The following LHFPL6 variants were observed in gnomAD, a reference collection of about 807,000 sequenced individuals.
The protein encoded by LHFPL6 is LHFPL tetraspan subfamily member 6 protein.
Under a neutral mutation model 20.6 loss-of-function variants are expected in LHFPL6, and 9 were observed. That is an observed-to-expected ratio of 0.44 (90% CI 0.26 to 0.76). The LOEUF is 0.76. LHFPL6 is among the 30% of genes least tolerant of loss of function. The pLI is 0.20. For synonymous variants in LHFPL6, 105 were observed against 98.7 expected (o/e 1.06, Z -0.38); for missense variants, 218 against 253.5 (o/e 0.86, Z 0.95).
At chr13:39,526,563 T>G (rs1310227859) in intron 2 of LHFPL6, among the ~76,000 whole-genome samples, 2 of 152,240 alleles carry the variant, frequency 1.3e-5, no homozygotes, top group Non-Finnish European at 2.9e-5. Context: ...TCTAGGTTCT[T>G]TCCACCGGTC....
At chr13:39,512,610 A>AAAAAAAAAAG (rs1285304888) in intron 2 of LHFPL6, among the ~76,000 whole-genome samples, 1 of 150,514 alleles carries the variant, frequency 6.6e-6, no homozygotes, top group East Asian at 2.0e-4. Context: ...TCAAAAAAAA[A>AAAAAAAAAAG]AAAAAGAAAA....
chr13:39,489,522 T>C (rs137870328), intron 2 of LHFPL6, among the ~76,000 whole-genome samples: 393 of 151,148 alleles, frequency 2.6e-3, no homozygotes, highest in African/African-American at 8.7e-3. Context: ...GTTAAAGGTA[T>C]ATCAAAGGAA....
At chr13:39,450,542 T>G (rs964336836) in intron 2 of LHFPL6, among the ~76,000 whole-genome samples, 29 of 152,274 alleles carry the variant, frequency 1.9e-4, no homozygotes, top group African/African-American at 5.1e-4. Flanking sequence ...TATGGCTATA[T>G]AAAGAGATAT....
chr13:39,590,775 T>C (rs1053911844), intron 2 of LHFPL6, among the ~76,000 whole-genome samples: 8 of 152,238 alleles, frequency 5.3e-5, no homozygotes, highest in African/African-American at 9.7e-5. Context: ...GTTCTTTCTA[T>C]GGAAATGTTT....
rs115583880 is a variant in LHFPL6 at position 39,447,274 on chromosome 13, C to T, written c.386-68748G>A. On this transcript the variant is annotated intron_variant, in intron 2 of 3. Coordinates refer to ENST00000379589, the MANE Select transcript of LHFPL6 (RefSeq NM_005780.3). Reference sequence around the variant, plus strand: ...GTACAGTGCAGACTCTCTTGAGTGTCCCCAAATAGATGAAATTATAAGGGA... The same window carrying T: ...GTACAGTGCAGACTCTCTTGAGTGTTCCCAAATAGATGAAATTATAAGGGA... 9.8e-3 allele frequency among the ~76,000 whole-genome samples: 1,485 copies of T among 152,214 alleles called. 24 individuals carry two copies. Among genetic ancestry groups the T allele is most frequent in the African/African-American group, 0.034 (1,405 of 41,538 alleles).
At chr13:39,388,105 A>G (rs919557399) in intron 2 of LHFPL6, among the ~76,000 whole-genome samples, 1 of 152,236 alleles carries the variant, frequency 6.6e-6, no homozygotes, top group African/African-American at 2.4e-5. Context: ...CTAAAATATA[A>G]AACAGAAATA....
At chr13:39,563,489 G>A (rs566198285) in intron 2 of LHFPL6, among the ~76,000 whole-genome samples, 1 of 152,260 alleles carries the variant, frequency 6.6e-6, no homozygotes, top group South Asian at 2.1e-4. Context: ...AGATCAAATA[G>A]GTGTTAGATA....
intron 2 of LHFPL6, among the ~76,000 whole-genome samples, chr13:39,510,971 C>T (rs1869680390): frequency 6.6e-6 from 1 of 151,862 alleles, no homozygotes; most frequent in East Asian, 1.9e-4. Flanking sequence ...CTCCCAGGTT[C>T]AAGCGATTCT....
intron 2 of LHFPL6, among the ~76,000 whole-genome samples, chr13:39,437,630 G>A (rs1223860584): frequency 5.3e-5 from 8 of 152,156 alleles, no homozygotes; most frequent in South Asian, 2.1e-4. Context: ...TAGGCCAGGC[G>A]CGGTGGCTCA....
At chr13:39,408,464 G>T (rs978680789) in intron 2 of LHFPL6, among the ~76,000 whole-genome samples, 1 of 152,154 alleles carries the variant, frequency 6.6e-6, no homozygotes. Flanking sequence ...GATCTTCCAG[G>T]ATTACTGCTT....
intron 2 of LHFPL6, among the ~76,000 whole-genome samples, chr13:39,546,925 C>T (rs1249587963): frequency 1.3e-5 from 2 of 152,056 alleles, no homozygotes; most frequent in African/African-American, 4.8e-5. Context: ...AGCAAATTCC[C>T]ATTGCTTTGA....
intron 2 of LHFPL6, among the ~76,000 whole-genome samples, chr13:39,576,719 G>A (rs986962170): frequency 3.3e-5 from 5 of 151,982 alleles, no homozygotes; most frequent in East Asian, 1.9e-4. Flanking sequence ...CTGCAGCCTC[G>A]ACTTCCTAGG....
At chr13:39,418,407 A>T (rs1332290715) in intron 2 of LHFPL6, among the ~76,000 whole-genome samples, 2 of 105,446 alleles carry the variant, frequency 1.9e-5, no homozygotes, top group Admixed American at 2.0e-4. Flanking sequence ...TTTTTCCAGA[A>T]TGCCATATAA....
At chr13:39,493,693 C>G (rs1291041200) in intron 2 of LHFPL6, among the ~76,000 whole-genome samples, 2 of 152,148 alleles carry the variant, frequency 1.3e-5, no homozygotes, top group African/African-American at 4.8e-5. Context: ...CCCCAGCCTT[C>G]CCACATATGA....
intron 2 of LHFPL6, among the ~76,000 whole-genome samples, chr13:39,527,226 A>G (rs1310779849): frequency 6.6e-6 from 1 of 152,202 alleles, no homozygotes; most frequent in Non-Finnish European, 1.5e-5. Flanking sequence ...AGATGCTTGC[A>G]TTCTCCTTCA....
chr13:39,480,440 G>A (rs1868473116), intron 2 of LHFPL6, among the ~76,000 whole-genome samples: 1 of 152,118 alleles, frequency 6.6e-6, no homozygotes, highest in Admixed American at 6.5e-5. Context: ...TTTGTTTACT[G>A]TTGTCCCAAG....
chr13:39,495,779 A>ATTTTTTTTTTTTTTTTTTTTTTTTTTTTT (rs10558170), intron 2 of LHFPL6, among the ~76,000 whole-genome samples: 2 of 89,542 alleles, frequency 2.2e-5, no homozygotes, highest in Non-Finnish European at 4.4e-5. Flanking sequence ...TAACTCAATA[A>ATTTTTTTTTTTTTTTTTTTTTTTTTTTTT]TTTTTTTTTT....
intron 2 of LHFPL6, among the ~76,000 whole-genome samples, chr13:39,420,145 CT>C (rs1346457251): frequency 6.6e-6 from 1 of 152,136 alleles, no homozygotes; most frequent in African/African-American, 2.4e-5. Flanking sequence ...TCCCACAGCT[CT>C]TTTCCTAATT....
intron 2 of LHFPL6, among the ~76,000 whole-genome samples, chr13:39,533,721 C>A (rs1593352494): frequency 6.6e-6 from 1 of 152,298 alleles, no homozygotes. Flanking sequence ...TACCCTATTT[C>A]TATGGCAGAT....
Sources: gnomAD v4.1 joint callset for allele counts (sites outside exome capture counted in the v4.1 genomes callset) on GRCh38, gnomAD v4.1.1 for gene constraint, MANE v1.5 for transcripts, NCBI Gene and HGNC (gene_info 2026-07-23, HGNC 2026-07-21) for gene names.